The following ADGRV1 variants were observed in gnomAD, a reference collection of about 807,000 sequenced individuals.
ADGRV1 encodes the protein G-protein coupled receptor 98.
ADGRV1 carries 359 observed loss-of-function variants against 596.2 expected under a neutral mutation model. The ratio of observed to expected loss-of-function variants is 0.60; its 90% CI spans 0.55 to 0.66. The LOEUF (loss-of-function observed/expected upper bound fraction) is 0.66. Among genes scored for constraint, ADGRV1 ranks in the 30% least tolerant of loss-of-function variants. ADGRV1 has a pLI of 0.00. For missense variants in ADGRV1, 7,274 were observed against 7,575.6 expected (o/e 0.96, Z 1.48); for synonymous variants, 2,681 against 2,679.2 (o/e 1.00, Z -0.02).
intron 85 of ADGRV1, among the ~76,000 whole-genome samples, chr5:91,025,983 A>G (rs1783991987): frequency 6.6e-6 from 1 of 152,160 alleles, no homozygotes; most frequent in African/African-American, 2.4e-5. Flanking sequence ...AATGACGGTA[A>G]TACTTAAGTG....
chr5:90,703,512 A>G (rs1748177636), intron 34 of ADGRV1, among the ~76,000 whole-genome samples, 153 bp from the exon 35 acceptor site: 1 of 152,170 alleles, frequency 6.6e-6, no homozygotes, highest in South Asian at 2.1e-4. Flanking sequence ...AAGCATGTAT[A>G]AAGATTCTAG....
intron 85 of ADGRV1, among the ~76,000 whole-genome samples, chr5:91,055,321 T>G (rs1279178332): frequency 2.0e-5 from 3 of 152,014 alleles, no homozygotes; most frequent in African/African-American, 7.2e-5. Context: ...CAGTTAAGTG[T>G]CATATATGAT....
chr5:90,857,215 C>G lies in ADGRV1; in HGVS notation c.17755+1314C>G, dbSNP rs551656702. Among the ~76,000 whole-genome samples the G allele has an allele frequency of 1.1e-3, 169 of 152,092 alleles. 2 individuals carry two copies. Among genetic ancestry groups the G allele is most frequent in the African/African-American group, 3.9e-3 (163 of 41,516 alleles). On this transcript the variant is annotated intron_variant, in intron 82 of 89. Transcript: ENST00000405460. Reference sequence around the variant, plus strand: ...AATCAGATGGAGACATCCTATTTTACTTTTATGCTAATGTATTTAAAGAGC... The same window carrying G: ...AATCAGATGGAGACATCCTATTTTAGTTTTATGCTAATGTATTTAAAGAGC...
At chr5:90,742,142 C>T (rs573299125) in intron 50 of ADGRV1, among the ~76,000 whole-genome samples, 11 of 152,220 alleles carry the variant, frequency 7.2e-5, no homozygotes, top group South Asian at 2.1e-4. Context: ...ATAAACCCTG[C>T]GCTGAAGAAG....
chr5:90,647,505 TG>T lies in ADGRV1; in HGVS notation c.3031del (p.Val1011Ter). The T allele has an allele frequency of 2.5e-6, 4 of 1,610,652 alleles. No individual in the cohort carries two copies. Among genetic ancestry groups the T allele is most frequent in the Non-Finnish European group, 3.4e-6 (4 of 1,177,966 alleles). ...TCTTTGTGGATATTTCAGAACCTCGTGTAGTGAGGGTTCAGGAAGGTGAGAC... is the reference window on the plus strand; with the variant it reads ...TCTTTGTGGATATTTCAGAACCTCGTTAGTGAGGGTTCAGGAAGGTGAGAC... ...DDPIYFAEPRVVRVQEGETAN... is the reference protein window; with the variant it reads ...DDPIYFAEPRXVRVQEGETAN... On this transcript the variant is annotated frameshift_variant, in exon 17 of 90. Coordinates refer to ENST00000405460, the MANE Select transcript of ADGRV1 (RefSeq NM_032119.4). LOFTEE classifies it high-confidence loss of function.
intron 87 of ADGRV1, among the ~76,000 whole-genome samples, chr5:91,110,843 T>C (rs1792302757): frequency 6.6e-6 from 1 of 152,190 alleles, no homozygotes; most frequent in African/African-American, 2.4e-5. Context: ...GTATGTCAGT[T>C]ATGAGACTGC....
intron 32 of ADGRV1, 146 bp downstream of exon 32, chr5:90,692,932 G>A: frequency 3.3e-6 from 2 of 599,346 alleles, no homozygotes; most frequent in Non-Finnish European, 5.5e-6. Context: ...TGTGTTAACT[G>A]AATTATGCTT....
rs541449571 is a variant in ADGRV1 at position 91,148,265 on chromosome 5, G to A, written c.18433-1765G>A. Reference sequence around the variant, plus strand: ...AAATGTTAATCGCCAAGACAATGGGGAAAATATCTCCAGGCCATGCTAGAG... The same window carrying A: ...AAATGTTAATCGCCAAGACAATGGGAAAAATATCTCCAGGCCATGCTAGAG... On this transcript the variant is annotated intron_variant, in intron 87 of 89. Transcript: ENST00000405460. 5.6e-4 allele frequency among the ~76,000 whole-genome samples: 85 copies of A among 152,318 alleles called. No homozygotes were observed. In the South Asian group the frequency reaches 8.3e-3, roughly 15 times the overall value.
At chr5:91,046,601 G>A (rs1284364673) in intron 85 of ADGRV1, among the ~76,000 whole-genome samples, 1 of 152,140 alleles carries the variant, frequency 6.6e-6, no homozygotes, top group Admixed American at 6.5e-5. Flanking sequence ...CTACGCATTG[G>A]CTCAGGCAAG....
intron 86 of ADGRV1, among the ~76,000 whole-genome samples, chr5:91,075,129 T>C (rs1368457343): frequency 1.3e-5 from 2 of 152,150 alleles, no homozygotes; most frequent in Non-Finnish European, 2.9e-5. Flanking sequence ...TCCCATTCTG[T>C]AGGTTGCCTT....
intron 83 of ADGRV1, among the ~76,000 whole-genome samples, chr5:90,897,084 T>C (rs1378932182): frequency 6.6e-6 from 1 of 152,252 alleles, no homozygotes; most frequent in East Asian, 1.9e-4. Flanking sequence ...TGGCTCCTTA[T>C]TGTTTGTTGT....
intron 59 of ADGRV1, among the ~76,000 whole-genome samples, chr5:90,764,711 C>T (rs188065128): frequency 1.4e-3 from 218 of 152,312 alleles, no homozygotes; most frequent in African/African-American, 5.0e-3. Context: ...CCATGCTTCC[C>T]AACGTCAGAG....
At chr5:90,748,232 A>G (rs1449676348) in intron 52 of ADGRV1, among the ~76,000 whole-genome samples, 1 of 152,198 alleles carries the variant, frequency 6.6e-6, no homozygotes, top group Non-Finnish European at 1.5e-5. Flanking sequence ...AATCTGGTCC[A>G]TTCCTGGAGC....
intron 59 of ADGRV1, among the ~76,000 whole-genome samples, chr5:90,771,105 A>G (rs1462797205): frequency 6.6e-6 from 1 of 151,964 alleles, no homozygotes; most frequent in African/African-American, 2.4e-5. Flanking sequence ...TACATTTTTT[A>G]TATCTTTCTG....
intron 27 of ADGRV1, 130 bp downstream of exon 27, chr5:90,681,584 C>T (rs959918522): frequency 1.2e-6 from 1 of 823,408 alleles, no homozygotes; most frequent in African/African-American, 1.7e-5. Flanking sequence ...TTGGCACAGG[C>T]AATACAAATT....
At chr5:91,158,057 C>G (rs1314672298) in intron 89 of ADGRV1, among the ~76,000 whole-genome samples, 1 of 152,204 alleles carries the variant, frequency 6.6e-6, no homozygotes, top group Non-Finnish European at 1.5e-5. Context: ...TAGCACACTC[C>G]TATTTTCCCT....
intron 85 of ADGRV1, among the ~76,000 whole-genome samples, chr5:91,029,762 T>C (rs1314681476): frequency 6.6e-6 from 1 of 152,146 alleles, no homozygotes; most frequent in East Asian, 1.9e-4. Context: ...AAATATCTGC[T>C]TCTAGTTTTC....
intron 82 of ADGRV1, among the ~76,000 whole-genome samples, chr5:90,859,491 G>A (rs566285280): frequency 6.6e-6 from 1 of 152,176 alleles, no homozygotes; most frequent in East Asian, 1.9e-4. Context: ...GGAGTGCAGT[G>A]GTGTGATCTC....
intron 85 of ADGRV1, among the ~76,000 whole-genome samples, chr5:91,052,792 T>C (rs1227148584): frequency 1.3e-5 from 2 of 152,132 alleles, no homozygotes; most frequent in East Asian, 3.9e-4. Context: ...CACAGTCCAG[T>C]TGTAGTTTAA....
Sources: allele counts gnomAD v4.1 joint callset (sites outside exome capture counted in the v4.1 genomes callset), GRCh38; gene constraint gnomAD v4.1.1; transcripts MANE v1.5; gene names NCBI Gene and HGNC (gene_info 2026-07-23, HGNC 2026-07-21).